The following SLCO1B1 variants were observed in gnomAD, a reference collection of about 807,000 sequenced individuals.
SLCO1B1 encodes solute carrier organic anion transporter family member 1B1.
SLCO1B1 carries 81 observed loss-of-function variants against 70.1 expected under a neutral mutation model. The observed-to-expected ratio is 1.16, with a 90% CI of 0.97 to 1.39. The LOEUF (loss-of-function observed/expected upper bound fraction) is 1.39. SLCO1B1 is among the 40% of genes most tolerant of loss of function. The pLI is 0.00. For synonymous variants in SLCO1B1, 283 were observed against 271.5 expected (o/e 1.04, Z -0.42); for missense variants, 895 against 799.6 (o/e 1.12, Z -1.44).
At chr12:21,148,447 A>T (rs1468566377) in intron 2 of SLCO1B1, among the ~76,000 whole-genome samples, 1 of 152,170 alleles carries the variant, frequency 6.6e-6, no homozygotes, top group Non-Finnish European at 1.5e-5. Flanking sequence ...TTTTCCCAAC[A>T]TCATATATAT....
rs1416118399 is a variant in SLCO1B1, at chr12:21,239,661, A to C, written c.*472A>C. Among the ~76,000 whole-genome samples, 1 of 152,200 alleles carries C rather than the reference A, an allele frequency of 6.6e-6. No homozygotes were observed. The highest frequency in any genetic ancestry group is 1.5e-5 in the Non-Finnish European group (1 of 68,030). On this transcript the variant is annotated 3_prime_UTR_variant, in exon 15 of 15. Transcript: ENST00000256958. ...GAAGTCTAGCTTGGATATATGCTAC[A>C]ATAATATCTGTTACTCACATAAAAT...
chr12:21,217,039 AC>A (rs1269746206), intron 11 of SLCO1B1, 79 bp from the exon 12 acceptor site: 2 of 1,046,144 alleles, frequency 1.9e-6, no homozygotes, highest in East Asian at 4.9e-5. Flanking sequence ...GTGAGACTTC[AC>A]TAAATATAAT....
At chr12:21,132,899 T>C (rs974564278) in intron 1 of SLCO1B1, among the ~76,000 whole-genome samples, 1 of 152,156 alleles carries the variant, frequency 6.6e-6, no homozygotes, top group Non-Finnish European at 1.5e-5. Flanking sequence ...AGACATGAAG[T>C]CCTTGCCCAT....
Position 21,217,295 on chromosome 12 carries a change from G to A in SLCO1B1, c.1674G>A (p.Leu558=). The change falls in exon 12 of 15, where the codon CTG becomes CTA. Residue 558 remains leucine (L), a synonymous_variant. Coordinates refer to ENST00000256958, the MANE Select transcript of SLCO1B1 (RefSeq NM_006446.5). ...SALGGTSHVM[L]IVKIVQPELK... ...TTGGAGGCACCTCACATGTCATGCT[G>A]ATTGTTAAGTAAGTATGACTTTTAA... The A allele has an allele frequency of 1.2e-6, 2 of 1,613,072 alleles. No homozygotes were observed. The highest frequency in any genetic ancestry group is 1.7e-6 in the Non-Finnish European group (2 of 1,179,190).
chr12:21,166,914 G>C (rs1940693489), intron 2 of SLCO1B1, among the ~76,000 whole-genome samples: 1 of 152,084 alleles, frequency 6.6e-6, no homozygotes, highest in Non-Finnish European at 1.5e-5. Flanking sequence ...TATGAGAATA[G>C]GTAAAGCGAC....
At chr12:21,211,557 A>G (rs1299431041) in intron 11 of SLCO1B1, among the ~76,000 whole-genome samples, 1 of 152,226 alleles carries the variant, frequency 6.6e-6, no homozygotes, top group Non-Finnish European at 1.5e-5. Context: ...CTTTGGTATC[A>G]GAATGATGCT....
intron 11 of SLCO1B1, among the ~76,000 whole-genome samples, chr12:21,207,240 A>T (rs1341441344): frequency 6.6e-6 from 1 of 152,002 alleles, no homozygotes; most frequent in African/African-American, 2.4e-5. Context: ...CCCATCCCCC[A>T]GGTAGTGAGC....
At chr12:21,153,716 T>G (rs1940503246) in intron 2 of SLCO1B1, among the ~76,000 whole-genome samples, 1 of 152,098 alleles carries the variant, frequency 6.6e-6, no homozygotes, top group Non-Finnish European at 1.5e-5. Context: ...AGCAGTTGTA[T>G]TGATTTTTGC....
chr12:21,165,475 T>C (rs934678569), intron 2 of SLCO1B1, among the ~76,000 whole-genome samples: 2 of 152,056 alleles, frequency 1.3e-5, no homozygotes, highest in African/African-American at 4.8e-5. Flanking sequence ...TACCTAATGC[T>C]AATCCCCAAG....
At chr12:21,165,027 A>G (rs1940667271) in intron 2 of SLCO1B1, among the ~76,000 whole-genome samples, 1 of 152,124 alleles carries the variant, frequency 6.6e-6, no homozygotes. Context: ...ACTAACTGCT[A>G]TATTACAGTT....
At chr12:21,211,122 C>A (rs1591822111) in intron 11 of SLCO1B1, among the ~76,000 whole-genome samples, 1 of 152,192 alleles carries the variant, frequency 6.6e-6, no homozygotes, top group East Asian at 1.9e-4. Flanking sequence ...TGAGAGAGGG[C>A]ATCCCTGTTT....
chr12:21,169,906 T>C (rs531072423), intron 2 of SLCO1B1, among the ~76,000 whole-genome samples: 1 of 152,332 alleles, frequency 6.6e-6, no homozygotes, highest in African/African-American at 2.4e-5. Flanking sequence ...TGAATAGAGA[T>C]TCTGTGGCCT....
At chr12:21,184,983 C>T (rs1290412072) in intron 7 of SLCO1B1, among the ~76,000 whole-genome samples, 1 of 152,064 alleles carries the variant, frequency 6.6e-6, no homozygotes, top group Non-Finnish European at 1.5e-5. Flanking sequence ...ATAAAACAGA[C>T]ATTAAACCAA....
chr12:21,157,295 A>C (rs117232450), intron 2 of SLCO1B1, among the ~76,000 whole-genome samples: 19 of 152,300 alleles, frequency 1.2e-4, no homozygotes, highest in Non-Finnish European at 2.6e-4. Flanking sequence ...GAATATAGTA[A>C]AGTGAGTGTA....
intron 2 of SLCO1B1, among the ~76,000 whole-genome samples, chr12:21,145,171 T>C (rs1940363678): frequency 6.6e-6 from 1 of 152,202 alleles, no homozygotes; most frequent in Admixed American, 6.5e-5. Flanking sequence ...ATGACTCATG[T>C]ATCATGACAT....
intron 1 of SLCO1B1, among the ~76,000 whole-genome samples, chr12:21,138,478 G>A (rs1431797273): frequency 6.6e-6 from 1 of 152,148 alleles, no homozygotes; most frequent in Non-Finnish European, 1.5e-5. Context: ...AGAAAGTGTG[G>A]CATTTAGTCA....
At chr12:21,136,700 C>T (rs1018721305) in intron 1 of SLCO1B1, among the ~76,000 whole-genome samples, 1 of 152,168 alleles carries the variant, frequency 6.6e-6, no homozygotes, top group Non-Finnish European at 1.5e-5. Flanking sequence ...TTAAGAACTT[C>T]TCTGCATTGG....
intron 4 of SLCO1B1, 82 bp from the exon 5 acceptor site, chr12:21,176,694 G>T: frequency 9.2e-7 from 1 of 1,087,536 alleles, no homozygotes; most frequent in Non-Finnish European, 1.4e-6. Flanking sequence ...GCAAATAAAG[G>T]GGAATATTTC....
chr12:21,132,694 G>C (rs1281626767), intron 1 of SLCO1B1, among the ~76,000 whole-genome samples: 1 of 149,890 alleles, frequency 6.7e-6, no homozygotes, highest in Non-Finnish European at 1.5e-5. Flanking sequence ...TTTGTCTTTT[G>C]TAAATTTGTT....
Sources: allele counts gnomAD v4.1 joint callset (sites outside exome capture counted in the v4.1 genomes callset), GRCh38; gene constraint gnomAD v4.1.1; transcripts MANE v1.5; gene names NCBI Gene and HGNC (gene_info 2026-07-23, HGNC 2026-07-21).